KMT5A: variants seen among roughly 807,000 people sequenced by gnomAD.
KMT5A encodes N-lysine methyltransferase KMT5A.
In KMT5A, 6 loss-of-function variants were observed where a neutral mutation model predicts 40.6. The observed-to-expected ratio is 0.15, with a 90% CI of 0.08 to 0.29. KMT5A has a LOEUF of 0.29. Among genes scored for constraint, KMT5A ranks in the 10% least tolerant of loss-of-function variants. The pLI, the probability that KMT5A is intolerant of heterozygous loss-of-function variation, is 1.00. For synonymous variants in KMT5A, 153 were observed against 178.8 expected (o/e 0.86, Z 1.15); for missense variants, 308 against 459.1 (o/e 0.67, Z 3.01).
chr12:123,393,684 C>T (rs559867810), intron 3 of KMT5A, among the ~76,000 whole-genome samples: 4 of 151,946 alleles, frequency 2.6e-5, no homozygotes, highest in African/African-American at 9.6e-5. Flanking sequence ...GGATTATAGG[C>T]GCACACCACC....
chr12:123,402,311 C>T (rs1246042828), intron 5 of KMT5A, among the ~76,000 whole-genome samples: 12 of 152,220 alleles, frequency 7.9e-5, no homozygotes, highest in Admixed American at 7.9e-4. Context: ...GCTGCAGGGC[C>T]GCAGTGGGAA....
intron 5 of KMT5A, among the ~76,000 whole-genome samples, chr12:123,399,777 G>A (rs1340827886): frequency 1.3e-5 from 2 of 152,200 alleles, no homozygotes; most frequent in African/African-American, 4.8e-5. Context: ...CAGAAGTTCA[G>A]TACCAACCTG....
intron 4 of KMT5A, 84 bp from the exon 5 acceptor site, chr12:123,396,261 C>T: frequency 7.7e-7 from 1 of 1,300,970 alleles, no homozygotes; most frequent in Non-Finnish European, 1.1e-6. Flanking sequence ...CTGTGTGCCT[C>T]CTCGGTGTGT....
rs570497028 is a variant in KMT5A at position 123,405,152 on chromosome 12, T to C, written c.848+78T>C. 67 of 1,374,372 alleles carry C rather than the reference T, an allele frequency of 4.9e-5. No individual in the cohort carries two copies. In the Middle Eastern group the frequency reaches 5.6e-4, roughly 12 times the overall value. The allele number at this position is 1,374,372 out of a possible 1,614,324, so 85.1% of individuals were successfully genotyped here. A position where few individuals can be genotyped will look rare whatever the true frequency, so the allele number is the denominator to read the frequency against. ...AGGCCAAAGGGCCAGGAACTCCTGA[T>C]TCTGTTTGGTGGCCAGTCTTTTGGT... On this transcript the variant is annotated intron_variant, in intron 7 of 7. Coordinates refer to ENST00000402868, the MANE Select transcript of KMT5A (RefSeq NM_020382.7).
intron 3 of KMT5A, among the ~76,000 whole-genome samples, chr12:123,392,051 G>A (rs1471033628): frequency 6.6e-6 from 1 of 152,250 alleles, no homozygotes; most frequent in Non-Finnish European, 1.5e-5. Flanking sequence ...TCTCTCATCT[G>A]TAAATGGGGA....
intron 7 of KMT5A, among the ~76,000 whole-genome samples, chr12:123,406,406 C>T (rs760769491): frequency 2.8e-4 from 43 of 152,210 alleles, no homozygotes; most frequent in South Asian, 1.0e-3. Context: ...CTTCCACTTC[C>T]GAAGTTTAAG....
At chr12:123,400,578 C>G (rs1878081696) in intron 5 of KMT5A, among the ~76,000 whole-genome samples, 1 of 151,480 alleles carries the variant, frequency 6.6e-6, no homozygotes, top group Admixed American at 6.6e-5. Context: ...TCAGGCTGGC[C>G]TCAAACTCCT....
At chr12:123,391,372 T>C (rs1229161501) in intron 3 of KMT5A, 1 of 154,196 alleles carries the variant, frequency 6.5e-6, no homozygotes, top group African/African-American at 2.4e-5. Context: ...TTTTTGTATT[T>C]TTGGTAGAGA....
At chr12:123,389,608 C>T (rs1593455432) in intron 2 of KMT5A, 54 bp downstream of exon 2, 5 of 1,055,700 alleles carry the variant, frequency 4.7e-6, no homozygotes, top group Non-Finnish European at 5.7e-6. Flanking sequence ...GCCGGGGCCG[C>T]GAGCACATGG....
At chr12:123,403,116 G>C (rs916696367) in intron 5 of KMT5A, among the ~76,000 whole-genome samples, 1 of 152,188 alleles carries the variant, frequency 6.6e-6, no homozygotes, top group African/African-American at 2.4e-5. Context: ...TATTTGCCAG[G>C]CTGGTCTCGA....
At chr12:123,390,528 A>G in intron 2 of KMT5A, 102 bp from the exon 3 acceptor site, 1 of 1,441,866 alleles carries the variant, frequency 6.9e-7, no homozygotes, top group East Asian at 2.3e-5. Context: ...GTTTTTGAAA[A>G]ACGGTGTTGT....
intron 5 of KMT5A, among the ~76,000 whole-genome samples, chr12:123,403,214 A>G (rs1302641124): frequency 6.6e-6 from 1 of 152,128 alleles, no homozygotes; most frequent in African/African-American, 2.4e-5. Context: ...ACTGTACCTG[A>G]TTTTCTGTGA....
chr12:123,404,819 G>C, intron 6 of KMT5A, 65 bp from the exon 7 acceptor site: 2 of 1,501,828 alleles, frequency 1.3e-6, no homozygotes, highest in Non-Finnish European at 1.8e-6. Context: ...GCTCCCCGGA[G>C]ACCTGCTGTG....
chr12:123,403,449 TGCCAAATGAG>T, intron 5 of KMT5A, 114 bp from the exon 6 acceptor site: 1 of 965,100 alleles, frequency 1.0e-6, no homozygotes, highest in South Asian at 1.5e-5. Flanking sequence ...TCCCCAGTGA[TGCCAAATGAG>T]GCCGATTGTG....
intron 6 of KMT5A, 141 bp from the exon 7 acceptor site, chr12:123,404,743 A>T: frequency 2.7e-6 from 2 of 752,308 alleles, no homozygotes; most frequent in Non-Finnish European, 4.3e-6. Flanking sequence ...ATCAGCCTGT[A>T]CATGTAAAGT....
chr12:123,394,882 C>T (rs577280383), intron 3 of KMT5A, among the ~76,000 whole-genome samples, 165 bp from the exon 4 acceptor site: 1 of 152,182 alleles, frequency 6.6e-6, no homozygotes, highest in Non-Finnish European at 1.5e-5. Context: ...GGCACTCCCC[C>T]TGTCATAGCC....
chr12:123,398,943 A>G lies in KMT5A; in HGVS notation c.597+2511A>G, dbSNP rs73410290. Among the ~76,000 whole-genome samples, 760 of 152,336 alleles carry G rather than the reference A, an allele frequency of 5.0e-3. 12 individuals are homozygous for G. Among genetic ancestry groups the G allele is most frequent in the African/African-American group, 0.018 (728 of 41,586 alleles). On this transcript the variant is annotated intron_variant, in intron 5 of 7. Coordinates refer to ENST00000402868, the MANE Select transcript of KMT5A (RefSeq NM_020382.7). ...TTATATACCTCCACTGAGGCTGAAG[A>G]CAGCAGCCAGGGCGGGCCTAGCGCC...
At chr12:123,388,423 C>T (rs1260981759) in intron 1 of KMT5A, 1 of 152,272 alleles carries the variant, frequency 6.6e-6, no homozygotes, top group Non-Finnish European at 1.5e-5. Flanking sequence ...CATTATAACC[C>T]CTGGCTCTGT....
chr12:123,405,920 A>G (rs1158788784), intron 7 of KMT5A, among the ~76,000 whole-genome samples: 28 of 151,896 alleles, frequency 1.8e-4, no homozygotes, highest in Non-Finnish European at 4.4e-5. Flanking sequence ...CCCAGGTTCA[A>G]GCGATTCTCC....
Sources: gnomAD v4.1 joint callset for allele counts (sites outside exome capture counted in the v4.1 genomes callset) on GRCh38, gnomAD v4.1.1 for gene constraint, MANE v1.5 for transcripts, NCBI Gene and HGNC (gene_info 2026-07-23, HGNC 2026-07-21) for gene names.